PCDH7: variants seen among roughly 807,000 people sequenced by gnomAD.
PCDH7 encodes protocadherin-7.
In PCDH7, 17 loss-of-function variants were observed where a neutral mutation model predicts 58.9. That is an observed-to-expected ratio of 0.29 (90% confidence interval 0.20 to 0.43). The LOEUF (loss-of-function observed/expected upper bound fraction) is 0.43, where lower values mean the gene tolerates loss of function less well. Among genes scored for constraint, PCDH7 ranks in the 20% least tolerant of loss-of-function variants. PCDH7 has a pLI of 1.00. For missense variants in PCDH7, 1,274 were observed against 1,441.0 expected (o/e 0.88, Z 1.88); for synonymous variants, 664 against 616.4 (o/e 1.08, Z -1.14).
chr4:30,983,347 G>A (rs1454597633), intron 3 of PCDH7, among the ~76,000 whole-genome samples: 1 of 152,094 alleles, frequency 6.6e-6, no homozygotes, highest in Admixed American at 6.5e-5. Context: ...ATGAGCCAAG[G>A]GATTCCTGCT....
At chr4:31,140,386 A>G (rs1720099937) in intron 3 of PCDH7, among the ~76,000 whole-genome samples, 1 of 152,150 alleles carries the variant, frequency 6.6e-6, no homozygotes, top group Admixed American at 6.5e-5. Flanking sequence ...TCTGCAGGGA[A>G]TAACAACCAC....
chr4:30,732,666 T>C (rs1189895441), exon 2 of PCDH7: 1 of 152,230 alleles, frequency 6.6e-6, no homozygotes, highest in Non-Finnish European at 1.5e-5. Flanking sequence ...GAGGTGTGTG[T>C]TTCTGTTCTC....
intron 3 of PCDH7, among the ~76,000 whole-genome samples, chr4:30,963,793 C>T (rs1342958418): frequency 2.0e-5 from 3 of 152,016 alleles, no homozygotes; most frequent in South Asian, 2.1e-4. Flanking sequence ...CTTTTCAAGC[C>T]GAGGGAAATT....
chr4:30,747,652 C>T (rs1390796221), intron 1 of PCDH7, among the ~76,000 whole-genome samples: 1 of 152,198 alleles, frequency 6.6e-6, no homozygotes, highest in Non-Finnish European at 1.5e-5. Flanking sequence ...TACATTGGGT[C>T]CATCTGGATA....
At chr4:31,057,988 G>C (rs1049358689) in intron 3 of PCDH7, among the ~76,000 whole-genome samples, 1 of 151,988 alleles carries the variant, frequency 6.6e-6, no homozygotes, top group Non-Finnish European at 1.5e-5. Context: ...GAGAGTCTTA[G>C]GATTTAAATA....
At chr4:30,981,120 G>T (rs1750521674) in intron 3 of PCDH7, among the ~76,000 whole-genome samples, 1 of 152,210 alleles carries the variant, frequency 6.6e-6, no homozygotes, top group African/African-American at 2.4e-5. Flanking sequence ...GGGATTAAAG[G>T]CGTGAGGCAC....
intron 2 of PCDH7, among the ~76,000 whole-genome samples, chr4:30,940,777 G>A (rs1745939338): frequency 6.6e-6 from 1 of 152,070 alleles, no homozygotes; most frequent in African/African-American, 2.4e-5. Flanking sequence ...ACCAATTCAG[G>A]CAGCTGATTG....
chr4:31,015,269 G>T (rs557221139), intron 3 of PCDH7, among the ~76,000 whole-genome samples: 2 of 152,076 alleles, frequency 1.3e-5, no homozygotes, highest in Admixed American at 1.3e-4. Flanking sequence ...TTGCTTTATT[G>T]TGCAAATAAA....
chr4:31,101,662 C>A (rs184753983), intron 3 of PCDH7, among the ~76,000 whole-genome samples: 1 of 152,260 alleles, frequency 6.6e-6, no homozygotes, highest in African/African-American at 2.4e-5. Context: ...GCTGTTATTT[C>A]TAAATATGAA....
intron 3 of PCDH7, among the ~76,000 whole-genome samples, chr4:31,081,638 C>T (rs1759517847): frequency 6.6e-6 from 1 of 152,122 alleles, no homozygotes; most frequent in Admixed American, 6.5e-5. Context: ...ATTATGTGAG[C>T]TGATCTCAAG....
rs1039079090 is a variant in PCDH7, at chr4:30,754,188, G to GTGTT, written c.70+29593_70+29594insGTTT. 3.1e-3 allele frequency among the ~76,000 whole-genome samples: 436 copies of GTGTT among 141,012 alleles called. 5 individuals are homozygous for GTGTT. The highest frequency in any genetic ancestry group is 0.014 in the East Asian group (69 of 5,092). 92.5% of individuals were successfully genotyped at this position (141,012 alleles called of 152,430 possible). A position where few individuals can be genotyped will look rare whatever the true frequency, so the allele number is the denominator to read the frequency against. ...TGTGTGTGTGTGTGTGTGTGTGTGT[G>GTGTT]TTTTTTCTGGAGGGAGGAGGAAGTA... On this transcript the variant is annotated intron_variant, in intron 1 of 3. Transcript: ENST00000509759.
At chr4:31,040,006 G>T (rs1373415094) in intron 3 of PCDH7, among the ~76,000 whole-genome samples, 1 of 152,166 alleles carries the variant, frequency 6.6e-6, no homozygotes, top group Non-Finnish European at 1.5e-5. Context: ...GTTCCAAGAT[G>T]ATATAGTGCT....
At chr4:30,782,821 A>G (rs1188044954) in intron 1 of PCDH7, among the ~76,000 whole-genome samples, 1 of 152,196 alleles carries the variant, frequency 6.6e-6, no homozygotes, top group Admixed American at 6.5e-5. Flanking sequence ...CTGTGTCTTC[A>G]AAGATAAGGA....
At chr4:31,117,322 A>G (rs891285474) in intron 3 of PCDH7, among the ~76,000 whole-genome samples, 9 of 152,370 alleles carry the variant, frequency 5.9e-5, no homozygotes, top group African/African-American at 1.9e-4. Context: ...TTCCAAGTCA[A>G]TTCAGCAAAT....
chr4:31,060,817 A>T (rs1329049611), intron 3 of PCDH7, among the ~76,000 whole-genome samples: 1 of 151,784 alleles, frequency 6.6e-6, no homozygotes, highest in Non-Finnish European at 1.5e-5. Context: ...ATAATACATC[A>T]GTAATGATAA....
downstream of PCDH7, among the ~76,000 whole-genome samples, chr4:30,733,917 T>C (rs956657482): frequency 1.1e-4 from 16 of 152,216 alleles, no homozygotes; most frequent in African/African-American, 3.4e-4. Context: ...CTGCACTTCA[T>C]ACTACTAAAA....
At chr4:31,062,033 A>T (rs1757730432) in intron 3 of PCDH7, among the ~76,000 whole-genome samples, 1 of 151,782 alleles carries the variant, frequency 6.6e-6, no homozygotes, top group African/African-American at 2.4e-5. Context: ...AGGGAGAGTA[A>T]CAGTGGATTC....
chr4:30,779,577 G>T (rs1429970752), intron 1 of PCDH7, among the ~76,000 whole-genome samples: 3 of 152,062 alleles, frequency 2.0e-5, no homozygotes, highest in African/African-American at 7.2e-5. Context: ...ATCAACCAAA[G>T]GGATCATATA....
chr4:31,129,775 G>T (rs1718747086), intron 3 of PCDH7, among the ~76,000 whole-genome samples: 1 of 151,978 alleles, frequency 6.6e-6, no homozygotes, highest in African/African-American at 2.4e-5. Context: ...TGGGATTACA[G>T]GTGCCACCAC....
Sources: allele counts gnomAD v4.1 joint callset (sites outside exome capture counted in the v4.1 genomes callset), GRCh38; gene constraint gnomAD v4.1.1; transcripts MANE v1.5; gene names NCBI Gene and HGNC (gene_info 2026-07-23, HGNC 2026-07-21).